The following CCDC186 variants were observed in gnomAD, a reference collection of about 807,000 sequenced individuals.
CCDC186 encodes the protein coiled-coil domain-containing protein 186.
A neutral mutation model predicts 113.7 loss-of-function variants in CCDC186; 49 were observed. The ratio of observed to expected loss-of-function variants is 0.43; its 90% CI spans 0.34 to 0.55. The LOEUF (loss-of-function observed/expected upper bound fraction) is 0.55. Among genes scored for constraint, CCDC186 ranks in the 20% least tolerant of loss-of-function variants. The pLI, the probability that CCDC186 is intolerant of heterozygous loss-of-function variation, is 0.02. For synonymous variants in CCDC186, 355 were observed against 345.8 expected, an observed-to-expected ratio of 1.03 and a Z score of -0.30; for missense variants, 890 against 1,011.1, an observed-to-expected ratio of 0.88 and a Z score of 1.62.
intron 1 of CCDC186, among the ~76,000 whole-genome samples, chr10:114,169,812 T>C (rs572446262): frequency 3.9e-5 from 6 of 152,328 alleles, no homozygotes; most frequent in African/African-American, 1.4e-4. Flanking sequence ...CACAGTTCAA[T>C]GTAACCTGCT....
chr10:114,129,995 G>A (rs776962662), intron 12 of CCDC186, 24 bp from the exon 13 acceptor site: 30 of 1,603,542 alleles, frequency 1.9e-5, no homozygotes, highest in Middle Eastern at 3.3e-4. Flanking sequence ...AAGATTATTC[G>A]TCACAATTAT....
rs755392771 is a variant in CCDC186 at position 114,136,248 on chromosome 10, T to C, written c.1327-2A>G. On this transcript the variant is annotated splice_acceptor_variant, in intron 7 of 15. Transcript: ENST00000369287. LOFTEE classifies it high-confidence loss of function. ...ATTTGATTTAATTTCTTCTGACTCCTAGTGGAAAGAAAACAAAAAAAGTGT... is the reference window on the plus strand; with the variant it reads ...ATTTGATTTAATTTCTTCTGACTCCCAGTGGAAAGAAAACAAAAAAAGTGT... The C allele has an allele frequency of 1.2e-6, 2 of 1,605,212 alleles. No individual in the cohort carries two copies. Among genetic ancestry groups the C allele is most frequent in the Admixed American group, 1.7e-5 (1 of 59,104 alleles).
rs1589618423 is a variant in CCDC186 at position 114,145,756 on chromosome 10, G to T, written c.894C>A (p.Asn298Lys). The change falls in exon 5 of 16, where the codon AAC (asparagine) becomes AAA (lysine). Residue 298 changes from asparagine to lysine, a missense_variant. Coordinates refer to ENST00000369287, the MANE Select transcript of CCDC186 (RefSeq NM_018017.4). ...CTTGGCGTGCCTCTTCACATTTCTT[G>T]TTGGCCTTCAAAAAAAATATTACTT... is the stretch of plus-strand genomic sequence containing the variant. ...KEMAQRMEQA[N>K]KKCEEARQEK... 2 of 1,573,322 alleles carry T rather than the reference G, an allele frequency of 1.3e-6. No homozygotes were observed. The highest frequency in any genetic ancestry group is 1.7e-4 in the Middle Eastern group (1 of 5,838).
intron 6 of CCDC186, among the ~76,000 whole-genome samples, chr10:114,138,724 C>T (rs1223921837): frequency 2.0e-5 from 3 of 152,134 alleles, no homozygotes; most frequent in East Asian, 1.9e-4. Flanking sequence ...AATATCCTTC[C>T]TGTTTCCATT....
At chr10:114,149,991 A>T (rs1201263817) in intron 4 of CCDC186, among the ~76,000 whole-genome samples, 1 of 152,190 alleles carries the variant, frequency 6.6e-6, no homozygotes, top group Non-Finnish European at 1.5e-5. Context: ...AAAAGGGTTC[A>T]GAACTGATAG....
intron 8 of CCDC186, 84 bp downstream of exon 8, chr10:114,136,064 A>G: frequency 6.7e-7 from 1 of 1,500,844 alleles, no homozygotes; most frequent in African/African-American, 1.4e-5. Flanking sequence ...AAAGGCCTTA[A>G]AAGTAGATAG....
chr10:114,139,416 A>T (rs975219079), intron 6 of CCDC186, among the ~76,000 whole-genome samples: 1 of 152,088 alleles, frequency 6.6e-6, no homozygotes, highest in Admixed American at 6.5e-5. Flanking sequence ...TACAAAAATT[A>T]GCCGGGTGTG....
At chr10:114,138,082 A>AT (rs2031334233) in intron 6 of CCDC186, among the ~76,000 whole-genome samples, 1 of 59,424 alleles carries the variant, frequency 1.7e-5, no homozygotes, top group Non-Finnish European at 3.4e-5. Context: ...AATAAAAAAA[A>AT]TACACAAATT....
chr10:114,131,682 C>CAGGA (rs903144514), intron 11 of CCDC186, among the ~76,000 whole-genome samples: 19 of 152,136 alleles, frequency 1.2e-4, no homozygotes, highest in Admixed American at 1.0e-3. Flanking sequence ...TGATTCTAGT[C>CAGGA]AGGAAGGACA....
intron 4 of CCDC186, among the ~76,000 whole-genome samples, chr10:114,149,554 GAAGGA>G (rs1564912632): frequency 0.052 from 5,064 of 96,688 alleles, 236 homozygotes; most frequent in Non-Finnish European, 0.064. Flanking sequence ...GAAGGGAAGG[GAAGGA>G]AAGGAAAGGG....
chr10:114,150,792 G>A (rs1248009990), intron 4 of CCDC186, among the ~76,000 whole-genome samples: 8 of 152,064 alleles, frequency 5.3e-5, no homozygotes, highest in Non-Finnish European at 8.8e-5. Context: ...GGGACTACAG[G>A]GATGCGCCAC....
At chr10:114,152,412 T>C (rs2119812665) in intron 3 of CCDC186, among the ~76,000 whole-genome samples, 1 of 151,820 alleles carries the variant, frequency 6.6e-6, no homozygotes, top group East Asian at 1.9e-4. Flanking sequence ...TTCTGATTGA[T>C]GGCAATCGAG....
chr10:114,138,551 T>A (rs985924291), intron 6 of CCDC186, among the ~76,000 whole-genome samples: 2 of 151,984 alleles, frequency 1.3e-5, no homozygotes, highest in Non-Finnish European at 2.9e-5. Flanking sequence ...TCCCAAACTG[T>A]CTTTTTATAG....
intron 1 of CCDC186, among the ~76,000 whole-genome samples, chr10:114,165,724 T>C (rs942391897): frequency 1.3e-5 from 2 of 151,752 alleles, no homozygotes. Flanking sequence ...GGTGGGTGCC[T>C]GTAATCCCAG....
chr10:114,135,874 A>G lies in CCDC186; in HGVS notation c.1512+17T>C. ...TATTTACCCTTCCTCTGGATTCATGACTAAAGACTGAATTACCTTTGTTCT... is the reference window on the plus strand; with the variant it reads ...TATTTACCCTTCCTCTGGATTCATGGCTAAAGACTGAATTACCTTTGTTCT... On this transcript the variant is annotated intron_variant, in intron 9 of 15. Transcript: ENST00000369287. 1 of 1,569,282 alleles carries G rather than the reference A, an allele frequency of 6.4e-7. No individual in the cohort carries two copies. The highest frequency in any genetic ancestry group is 1.1e-5 in the South Asian group (1 of 88,684).
chr10:114,172,267 T>C (rs564210110), intron 1 of CCDC186, among the ~76,000 whole-genome samples: 7 of 152,342 alleles, frequency 4.6e-5, no homozygotes, highest in African/African-American at 1.7e-4. Flanking sequence ...TAAAGCTGCT[T>C]TGTGCTTCAA....
At chr10:114,162,420 T>C in intron 2 of CCDC186, 1 of 351,582 alleles carries the variant, frequency 2.8e-6, no homozygotes, top group Non-Finnish European at 5.1e-6. Flanking sequence ...AGCACGTTAA[T>C]ACATTTACAC....
chr10:114,131,475 T>C, intron 11 of CCDC186, 139 bp from the exon 12 acceptor site: 2 of 713,960 alleles, frequency 2.8e-6, no homozygotes, highest in Non-Finnish European at 2.1e-6. Flanking sequence ...TTTTGTTTAC[T>C]TGAGCTTCTC....
intron 13 of CCDC186, among the ~76,000 whole-genome samples, 161 bp from the exon 14 acceptor site, chr10:114,127,832 T>C (rs527978759): frequency 1.4e-4 from 21 of 152,316 alleles, no homozygotes; most frequent in African/African-American, 2.9e-4. Context: ...TTTCTGAATA[T>C]ACTGGTGACA....
Sources: gnomAD v4.1 joint callset for allele counts (sites outside exome capture counted in the v4.1 genomes callset) on GRCh38, gnomAD v4.1.1 for gene constraint, MANE v1.5 for transcripts, NCBI Gene and HGNC (gene_info 2026-07-23, HGNC 2026-07-21) for gene names.